Variants in PDGFC observed in about 807,000 individuals in gnomAD.
The protein encoded by PDGFC is platelet-derived growth factor C.
In PDGFC, 12 loss-of-function variants were observed where a neutral mutation model predicts 35.5. That is an observed-to-expected ratio of 0.34 (90% CI 0.22 to 0.55). PDGFC has a LOEUF of 0.55. Among genes scored for constraint, PDGFC ranks in the 20% least tolerant of loss-of-function variants. PDGFC has a pLI of 0.91. For missense variants in PDGFC, 322 were observed against 412.4 expected (o/e 0.78, Z 1.90); for synonymous variants, 159 against 148.8 (o/e 1.07, Z -0.50).
intron 1 of PDGFC, among the ~76,000 whole-genome samples, chr4:156,880,189 T>C (rs547237704): frequency 1.3e-5 from 2 of 152,270 alleles, no homozygotes; most frequent in South Asian, 2.1e-4. Context: ...AGAACTTTCA[T>C]AGCTAGTGAG....
intron 1 of PDGFC, among the ~76,000 whole-genome samples, chr4:156,935,848 T>C (rs1188861664): frequency 6.6e-6 from 1 of 152,180 alleles, no homozygotes; most frequent in African/African-American, 2.4e-5. Flanking sequence ...ATGCTAGATC[T>C]TGTGTTAAAC....
At chr4:156,800,639 G>A (rs892008797) in intron 3 of PDGFC, among the ~76,000 whole-genome samples, 2 of 152,108 alleles carry the variant, frequency 1.3e-5, no homozygotes, top group Admixed American at 6.5e-5. Context: ...CACTTGCCAC[G>A]TTATTATGAA....
chr4:156,887,599 G>A (rs1359323748), intron 1 of PDGFC, among the ~76,000 whole-genome samples: 1 of 152,034 alleles, frequency 6.6e-6, no homozygotes, highest in Non-Finnish European at 1.5e-5. Flanking sequence ...GAAGAATAAT[G>A]TATACATTTT....
chr4:156,815,917 C>T (rs1732073948), intron 2 of PDGFC, among the ~76,000 whole-genome samples: 1 of 152,148 alleles, frequency 6.6e-6, no homozygotes, highest in African/African-American at 2.4e-5. Context: ...CTCCCTTTCT[C>T]TAACACACCC....
Position 156,850,204 on chromosome 4 carries a change from C to A in PDGFC, c.314+17G>T. On this transcript the variant is annotated intron_variant, in intron 2 of 5. Coordinates refer to ENST00000502773, the MANE Select transcript of PDGFC (RefSeq NM_016205.3). The stretch of plus-strand genomic sequence containing the variant: ...AACAGTTGTTACATTGTTGGGATTT[C>A]AAGTATGATCACTTACTTGCATATG... 7.2e-7 allele frequency: 1 copy of A among 1,383,806 alleles called. No homozygotes were observed. The highest frequency in any genetic ancestry group is 9.7e-7 in the Non-Finnish European group (1 of 1,027,076). The allele number at this position is 1,383,806 out of a possible 1,614,324, so 85.7% of individuals were successfully genotyped here.
intron 1 of PDGFC, among the ~76,000 whole-genome samples, chr4:156,953,367 C>T (rs150904281): frequency 7.2e-5 from 11 of 151,974 alleles, no homozygotes; most frequent in African/African-American, 2.4e-4. Flanking sequence ...AGACTAAAGT[C>T]AACTAATGGT....
intron 1 of PDGFC, among the ~76,000 whole-genome samples, chr4:156,932,533 T>C (rs2110880663): frequency 6.6e-6 from 1 of 152,138 alleles, no homozygotes; most frequent in Non-Finnish European, 1.5e-5. Context: ...TAAGAAAATG[T>C]GGCACATATA....
intron 2 of PDGFC, among the ~76,000 whole-genome samples, chr4:156,838,272 G>C (rs1285850185): frequency 6.6e-6 from 1 of 152,136 alleles, no homozygotes; most frequent in African/African-American, 2.4e-5. Flanking sequence ...TTGCTTTCAG[G>C]GGCCATTTCT....
At chr4:156,853,798 G>GA (rs1346300276) in intron 1 of PDGFC, among the ~76,000 whole-genome samples, 2 of 151,902 alleles carry the variant, frequency 1.3e-5, no homozygotes, top group South Asian at 2.1e-4. Flanking sequence ...CTTGTCTCTA[G>GA]AAAAAATAAC....
chr4:156,763,609 A>G (rs573975872), intron 5 of PDGFC, among the ~76,000 whole-genome samples: 43 of 152,292 alleles, frequency 2.8e-4, no homozygotes, highest in Admixed American at 5.2e-4. Context: ...ACATTTAACA[A>G]ATATTTATAC....
chr4:156,967,446 A>C (rs1732492597), intron 1 of PDGFC: 1 of 152,214 alleles, frequency 6.6e-6, no homozygotes. Flanking sequence ...ACAATAACTG[A>C]TGTTAATAAG....
intron 1 of PDGFC, among the ~76,000 whole-genome samples, chr4:156,921,430 A>T (rs142282796): frequency 1.9e-3 from 290 of 152,220 alleles, no homozygotes; most frequent in African/African-American, 6.1e-3. Flanking sequence ...TTATTAAGAG[A>T]ATGCGATTCC....
chr4:156,788,523 T>C (rs2110872264), intron 3 of PDGFC, among the ~76,000 whole-genome samples: 1 of 152,322 alleles, frequency 6.6e-6, no homozygotes, highest in East Asian at 1.9e-4. Flanking sequence ...TCACAATGAA[T>C]TCAATGCTGC....
chr4:156,856,421 C>G (rs556991585), intron 1 of PDGFC, among the ~76,000 whole-genome samples: 1 of 152,108 alleles, frequency 6.6e-6, no homozygotes, highest in Non-Finnish European at 1.5e-5. Flanking sequence ...CATGCGATAA[C>G]CTCTAGGGTT....
intron 1 of PDGFC, among the ~76,000 whole-genome samples, chr4:156,960,766 C>T (rs1732324413): frequency 1.3e-5 from 2 of 152,000 alleles, no homozygotes; most frequent in South Asian, 2.1e-4. Flanking sequence ...AAACCACCAA[C>T]TACTATAAGA....
At chr4:156,878,120 C>T (rs1029961530) in intron 1 of PDGFC, among the ~76,000 whole-genome samples, 1 of 152,180 alleles carries the variant, frequency 6.6e-6, no homozygotes, top group Admixed American at 6.5e-5. Context: ...TATTTGTGCA[C>T]TCAAGGCCTG....
At chr4:156,794,249 C>T (rs1190839376) in intron 3 of PDGFC, among the ~76,000 whole-genome samples, 1 of 152,072 alleles carries the variant, frequency 6.6e-6, no homozygotes. Context: ...CCATCTTTCT[C>T]CTTAAATCAG....
chr4:156,839,966 G>C (rs1425802499), intron 2 of PDGFC, among the ~76,000 whole-genome samples: 1 of 152,100 alleles, frequency 6.6e-6, no homozygotes, highest in Non-Finnish European at 1.5e-5. Flanking sequence ...TAGAGTATCT[G>C]GTGGAAAACA....
intron 4 of PDGFC, among the ~76,000 whole-genome samples, chr4:156,769,076 T>C (rs1262357542): frequency 1.3e-5 from 2 of 151,850 alleles, no homozygotes; most frequent in East Asian, 3.8e-4. Context: ...TCAGATAACA[T>C]ATATGCCTTC....
Sources: allele counts gnomAD v4.1 joint callset (sites outside exome capture counted in the v4.1 genomes callset), GRCh38; gene constraint gnomAD v4.1.1; transcripts MANE v1.5; gene names NCBI Gene and HGNC (gene_info 2026-07-23, HGNC 2026-07-21).